Variants in ZNF880 observed in about 807,000 individuals in gnomAD.
The protein encoded by ZNF880 is zinc finger protein 880, also known as zinc finger protein LOC400713.
In ZNF880, 12 loss-of-function variants were observed where a neutral mutation model predicts 11.8. The observed-to-expected ratio is 1.02, with a 90% CI of 0.65 to 1.65. The LOEUF is 1.65. ZNF880 is among the 40% of genes most tolerant of loss of function. The pLI, the probability that ZNF880 is intolerant of heterozygous loss-of-function variation, is 0.00. For synonymous variants in ZNF880, 210 were observed against 232.4 expected (o/e 0.90, Z 0.88); for missense variants, 601 against 673.9 (o/e 0.89, Z 1.20).
chr19:52,371,249 C>T (rs1456733716), intron 1 of ZNF880, among the ~76,000 whole-genome samples: 2 of 152,026 alleles, frequency 1.3e-5, no homozygotes, highest in East Asian at 1.9e-4. Flanking sequence ...GATACATGTG[C>T]GACAGTTTCT....
chr19:52,366,877 G>A, upstream of ZNF880: 1 of 790,126 alleles, frequency 1.3e-6, no homozygotes, highest in East Asian at 2.6e-5. Flanking sequence ...TTGCATTGAA[G>A]CCTCATCACT....
chr19:52,369,948 T>C lies in ZNF880; in HGVS notation c.-18T>C, dbSNP rs1300607698. On this transcript the variant is annotated 5_prime_UTR_variant, in exon 1 of 4. Transcript: ENST00000422689. ...AGTTTCCTGGAGACCCGGAAGCAGA[T>C]TACGTGGAGTGACGGTCATGCTGCG... is the stretch of plus-strand genomic sequence containing the variant. 1 of 1,551,620 alleles carries C rather than the reference T, an allele frequency of 6.4e-7. No individual in the cohort carries two copies. The highest frequency in any genetic ancestry group is 1.4e-5 in the African/African-American group (1 of 73,140).
In ZNF880 at chr19:52,385,173, C is replaced by CTGGAGAG. The variant is rs1986846965; in HGVS notation, c.1593_1594insTGGAGAG (p.Lys532TrpfsTer10). 1 of 1,553,438 alleles carries CTGGAGAG rather than the reference C, an allele frequency of 6.4e-7. No individual in the cohort carries two copies. The highest frequency in any genetic ancestry group is 8.7e-7 in the Non-Finnish European group (1 of 1,148,308). On this transcript the variant is annotated frameshift_variant, in exon 4 of 4. Transcript: ENST00000422689. LOFTEE classifies it low-confidence loss of function (END_TRUNC). ...ATGAATGTGGCAAGGTCTTCAGCCACAAGTTATACCTAAAAAAACATGAGA... is the reference window on the plus strand; with the variant it reads ...ATGAATGTGGCAAGGTCTTCAGCCACTGGAGAGAAGTTATACCTAAAAAAACATGAGA...
intron 1 of ZNF880, among the ~76,000 whole-genome samples, chr19:52,372,684 G>A (rs810592): frequency 0.15 from 22,227 of 149,072 alleles, 1,786 homozygotes; most frequent in African/African-American, 0.21. Flanking sequence ...GGCGGATCAC[G>A]AAGTCAGGAG....
intron 1 of ZNF880, 193 bp downstream of exon 1, chr19:52,370,170 C>T (rs928119685): frequency 4.3e-6 from 3 of 697,846 alleles, no homozygotes; most frequent in Non-Finnish European, 7.4e-6. Flanking sequence ...CTGGTCCTGT[C>T]CCCGGTCTTT....
rs1424819324 is a variant in ZNF880, at chr19:52,384,154, G to A, written c.574G>A (p.Ala192Thr). 3 of 1,607,100 alleles carry A rather than the reference G, an allele frequency of 1.9e-6. No individual in the cohort carries two copies. Among genetic ancestry groups the A allele is most frequent in the Admixed American group, 1.7e-5 (1 of 58,346 alleles). The part of the protein sequence containing the change: ...KPCECNEHGK[A>T]FRVSSRLANN... Reference sequence around the variant, plus strand: ...GTGTGAATGTAATGAGCATGGCAAAGCCTTTAGAGTGTCTTCAAGACTTGC... The same window carrying A: ...GTGTGAATGTAATGAGCATGGCAAAACCTTTAGAGTGTCTTCAAGACTTGC... The change falls in exon 4 of 4, where the codon GCC becomes ACC. Residue 192 changes from alanine to threonine, a missense_variant. Ala to Thr is a moderately conservative substitution (Grantham distance 58). This residue lies in a region of ZNF880 where 420 missense variants were observed against 442.6 expected (regional missense o/e 0.95). Coordinates refer to ENST00000422689, the MANE Select transcript of ZNF880 (RefSeq NM_001145434.2).
chr19:52,392,102 A>G, the ZNF880 span, among the ~76,000 whole-genome samples: 616 of 152,298 alleles, frequency 4.0e-3, 6 homozygotes, highest in African/African-American at 0.014. Context: ...AGAATTTGCT[A>G]TTGCTAGAGT....
At chr19:52,382,772 T>G (rs763377869) in intron 3 of ZNF880, among the ~76,000 whole-genome samples, 1 of 152,184 alleles carries the variant, frequency 6.6e-6, no homozygotes, top group East Asian at 1.9e-4. Context: ...GGGTTCGTTT[T>G]AGTTAGCATT....
At chr19:52,377,802 T>G (rs991476154) in intron 3 of ZNF880, among the ~76,000 whole-genome samples, 1 of 152,206 alleles carries the variant, frequency 6.6e-6, no homozygotes, top group African/African-American at 2.4e-5. Context: ...CCTGTGTGTC[T>G]TCAGCATTTG....
intron 3 of ZNF880, among the ~76,000 whole-genome samples, chr19:52,378,622 G>GGT (rs1196238312): frequency 6.9e-6 from 1 of 145,290 alleles, no homozygotes; most frequent in Non-Finnish European, 1.5e-5. Flanking sequence ...ACTCTGGCCT[G>GGT]GTGACAGAGC....
chr19:52,385,554 G>C lies in ZNF880; in HGVS notation c.*240G>C, dbSNP rs1470911329. On this transcript the variant is annotated 3_prime_UTR_variant, in exon 4 of 4. Coordinates refer to ENST00000422689, the MANE Select transcript of ZNF880 (RefSeq NM_001145434.2). ...ACATCTTGGATGAAACCATACAGAT[G>C]GATTATGTATGCTGAGGCTATTATT... The C allele has an allele frequency of 6.3e-6, 3 of 479,688 alleles. No individual in the cohort carries two copies. The highest frequency in any genetic ancestry group is 1.1e-5 in the Non-Finnish European group (3 of 270,852). The allele number at this position is 479,688 out of a possible 1,614,324, so 29.7% of individuals were successfully genotyped here.
chr19:52,396,461 C>T, the ZNF880 span: 1 of 152,248 alleles, frequency 6.6e-6, no homozygotes, highest in South Asian at 2.1e-4. Flanking sequence ...GATAACCAGG[C>T]CTGCCTGGAG....
At chr19:52,382,932 T>C (rs528971456) in intron 3 of ZNF880, among the ~76,000 whole-genome samples, 3 of 152,350 alleles carry the variant, frequency 2.0e-5, no homozygotes, top group African/African-American at 7.2e-5. Flanking sequence ...TTCCACCTGA[T>C]AGTATCTCAA....
downstream of ZNF880, chr19:52,390,227 C>G (rs324123): frequency 2.9e-5 from 7 of 244,906 alleles, no homozygotes; most frequent in East Asian, 4.6e-4. Flanking sequence ...TGCACTGGCC[C>G]GCACCTTTTT....
chr19:52,383,308 G>A (rs1986756887), intron 3 of ZNF880, among the ~76,000 whole-genome samples: 1 of 152,146 alleles, frequency 6.6e-6, no homozygotes, highest in Non-Finnish European at 1.5e-5. Context: ...TGTGGAGATT[G>A]ATTGATTGAT....
At position 52,385,162 on chromosome 19, in the gene ZNF880, G is replaced by T; in HGVS notation, c.1582G>T (p.Val528Phe). Residue 528 changes from valine (V) to phenylalanine (F), a missense_variant, in exon 4 of 4, where the codon GTC becomes TTC. This residue lies in a region of ZNF880 where 177 missense variants were observed against 214.5 expected (regional missense o/e 0.83). Coordinates refer to ENST00000422689, the MANE Select transcript of ZNF880 (RefSeq NM_001145434.2). ...TTACAAATGCAATGAATGTGGCAAG[G>T]TCTTCAGCCACAAGTTATACCTAAA... is the stretch of plus-strand genomic sequence containing the variant. The part of the protein sequence containing the change: ...KSYKCNECGK[V>F]FSHKLYLKKH... 6.4e-7 allele frequency: 1 copy of T among 1,555,222 alleles called. No individual in the cohort carries two copies. Among genetic ancestry groups the T allele is most frequent in the Non-Finnish European group, 8.7e-7 (1 of 1,149,214 alleles).
At chr19:52,383,057 G>C (rs773168819) in intron 3 of ZNF880, among the ~76,000 whole-genome samples, 5 of 152,068 alleles carry the variant, frequency 3.3e-5, no homozygotes, top group Non-Finnish European at 5.9e-5. Flanking sequence ...TTTGCAGTCT[G>C]CTGTTGAATC....
At chr19:52,388,282 C>CTTTATTTTTTTTTTTT (rs1986945624), downstream of ZNF880, among the ~76,000 whole-genome samples, 1 of 63,424 alleles carries the variant, frequency 1.6e-5, no homozygotes, top group African/African-American at 8.8e-5. Flanking sequence ...GCAATTTGAA[C>CTTTATTTTTTTTTTTT]TTTTTTTTTT....
At chr19:52,373,796 G>A (rs150229310) in intron 2 of ZNF880, among the ~76,000 whole-genome samples, 3,931 of 145,190 alleles carry the variant, frequency 0.027, 171 homozygotes, top group African/African-American at 0.095. Flanking sequence ...TCAGCCTCCC[G>A]AGTAGCTGGG....
Sources: allele counts gnomAD v4.1 joint callset (sites outside exome capture counted in the v4.1 genomes callset), GRCh38; gene constraint gnomAD v4.1.1; regional missense constraint gnomAD v4.1.1; transcripts MANE v1.5; gene names NCBI Gene and HGNC (gene_info 2026-07-23, HGNC 2026-07-21).